Variants in SOX5 observed in about 807,000 individuals in gnomAD.
SOX5 encodes the protein SRY-box transcription factor 5.
SOX5 carries 9 observed loss-of-function variants against 92.0 expected under a neutral mutation model. That is an observed-to-expected ratio of 0.10 (90% confidence interval 0.06 to 0.17). The LOEUF is 0.17. Among genes scored for constraint, SOX5 ranks in the 10% least tolerant of loss-of-function variants. The probability of loss-of-function intolerance (pLI) is 1.00; values close to 1 mark genes in which losing one functional copy is unlikely to be tolerated. For synonymous variants in SOX5, 344 were observed against 336.3 expected (o/e 1.02, Z -0.25); for missense variants, 642 against 944.5 (o/e 0.68, Z 4.20).
chr12:24,244,824 T>C (rs1196045831), intron 3 of SOX5, among the ~76,000 whole-genome samples: 1 of 152,138 alleles, frequency 6.6e-6, no homozygotes, highest in African/African-American at 2.4e-5. Flanking sequence ...TCCCAAGTGG[T>C]GGGATTACAG....
intron 3 of SOX5, among the ~76,000 whole-genome samples, chr12:23,781,099 C>G (rs776509797): frequency 1.3e-5 from 2 of 151,934 alleles, no homozygotes; most frequent in African/African-American, 4.8e-5. Flanking sequence ...TCATCCCAGA[C>G]GGTTAAATGT....
intron 4 of SOX5, among the ~76,000 whole-genome samples, chr12:24,034,570 A>ATTT (rs34793688): frequency 0.017 from 2,452 of 144,116 alleles, 33 homozygotes; most frequent in African/African-American, 0.043. Context: ...GCTCGGGAGG[A>ATTT]TTTTTTTTTT....
chr12:24,258,137 C>T (rs1941526681), intron 3 of SOX5, among the ~76,000 whole-genome samples: 1 of 152,164 alleles, frequency 6.6e-6, no homozygotes, highest in Admixed American at 6.5e-5. Flanking sequence ...CGTGCCACTG[C>T]ACTCCAGCCT....
chr12:24,139,058 C>A (rs1156777349), intron 4 of SOX5, among the ~76,000 whole-genome samples: 2 of 152,174 alleles, frequency 1.3e-5, no homozygotes, highest in African/African-American at 4.8e-5. Flanking sequence ...TGCTCAGCTG[C>A]AACTGTTCCA....
intron 6 of SOX5, among the ~76,000 whole-genome samples, chr12:23,682,233 G>T (rs1397048049): frequency 6.6e-6 from 1 of 151,726 alleles, no homozygotes; most frequent in Non-Finnish European, 1.5e-5. Flanking sequence ...ACAAAAATAT[G>T]ATGATAGTAT....
intron 3 of SOX5, among the ~76,000 whole-genome samples, chr12:24,274,937 C>T (rs1944260515): frequency 6.6e-6 from 1 of 152,120 alleles, no homozygotes; most frequent in African/African-American, 2.4e-5. Flanking sequence ...AGCACGGTAC[C>T]TTGAACTGCC....
chr12:24,357,818 G>A (rs1348343671), intron 2 of SOX5, among the ~76,000 whole-genome samples: 2 of 148,172 alleles, frequency 1.3e-5, no homozygotes, highest in African/African-American at 5.0e-5. Context: ...TCCAGCCTGG[G>A]TGACAGAGCG....
intron 6 of SOX5, among the ~76,000 whole-genome samples, chr12:23,680,742 A>C (rs2086489142): frequency 6.6e-6 from 1 of 152,134 alleles, no homozygotes; most frequent in Non-Finnish European, 1.5e-5. Flanking sequence ...GCAAAGATAA[A>C]CCTTAAAAGC....
intron 1 of SOX5, among the ~76,000 whole-genome samples, chr12:24,401,163 C>T (rs10771083): frequency 0.17 from 25,946 of 151,866 alleles, 2,264 homozygotes; most frequent in East Asian, 0.2. Flanking sequence ...ACCAACCTGG[C>T]CAACAAGGTG....
chr12:24,024,655 T>C (rs1415953008), intron 4 of SOX5, among the ~76,000 whole-genome samples: 1 of 152,042 alleles, frequency 6.6e-6, no homozygotes, highest in Non-Finnish European at 1.5e-5. Flanking sequence ...TTTCAAACAC[T>C]AATTCCAAAT....
chr12:23,652,515 C>CTTTTTTTTTT (rs1373019469), intron 7 of SOX5, among the ~76,000 whole-genome samples: 2 of 102,650 alleles, frequency 1.9e-5, no homozygotes, highest in African/African-American at 9.8e-5. Context: ...ACCTCTTCTA[C>CTTTTTTTTTT]TGTTTTTTTT....
At chr12:23,962,683 G>C (rs2140034058) in intron 4 of SOX5, among the ~76,000 whole-genome samples, 1 of 152,168 alleles carries the variant, frequency 6.6e-6, no homozygotes, top group South Asian at 2.1e-4. Context: ...TTTGCAATTA[G>C]GCAGGCACTG....
intron 1 of SOX5, among the ~76,000 whole-genome samples, chr12:24,375,341 C>T (rs1335118260): frequency 1.3e-5 from 2 of 152,000 alleles, no homozygotes; most frequent in East Asian, 1.9e-4. Context: ...TGGGCCTGAA[C>T]GGGGAAATGG....
intron 4 of SOX5, among the ~76,000 whole-genome samples, chr12:23,965,132 C>G (rs1373865747): frequency 6.6e-6 from 1 of 152,216 alleles, no homozygotes; most frequent in Non-Finnish European, 1.5e-5. Context: ...CCTAGCAGGA[C>G]ACCATCTACC....
chr12:23,960,468 A>T (rs1426975338), intron 4 of SOX5, among the ~76,000 whole-genome samples: 2 of 136,310 alleles, frequency 1.5e-5, no homozygotes, highest in African/African-American at 2.8e-5. Context: ...TCCATGTTTT[A>T]TATATATATG....
In SOX5 at chr12:24,012,887, G is replaced by C. The variant is rs550448142; in HGVS notation, c.-1-116863C>G. Among the ~76,000 whole-genome samples, 5 of 152,254 alleles carry C rather than the reference G, an allele frequency of 3.3e-5. No individual in the cohort carries two copies. The East Asian group carries it at 9.6e-4, about 29-fold the overall frequency. ...AAACACTTCCTAAATCTATTCAGTA[G>C]AAGCACCCTAAATCTATTCAGTAGA... On this transcript the variant is annotated intron_variant, in intron 4 of 4. Transcript: ENST00000446891.
chr12:24,169,616 T>C (rs959479710), intron 4 of SOX5, among the ~76,000 whole-genome samples: 1 of 152,238 alleles, frequency 6.6e-6, no homozygotes, highest in African/African-American at 2.4e-5. Context: ...GTATTTTACA[T>C]GTGTTGTCCA....
At chr12:23,913,210 A>T (rs1004750165) in intron 1 of SOX5, among the ~76,000 whole-genome samples, 1 of 152,192 alleles carries the variant, frequency 6.6e-6, no homozygotes, top group African/African-American at 2.4e-5. Context: ...TTATGAAAGA[A>T]CTTAAATATA....
intron 3 of SOX5, among the ~76,000 whole-genome samples, chr12:24,239,880 C>T (rs1213267953): frequency 6.6e-6 from 1 of 152,110 alleles, no homozygotes; most frequent in Non-Finnish European, 1.5e-5. Context: ...CTCTTTGAAG[C>T]CGATGTCCCA....
Sources: gnomAD v4.1 joint callset for allele counts (sites outside exome capture counted in the v4.1 genomes callset) on GRCh38, gnomAD v4.1.1 for gene constraint, MANE v1.5 for transcripts, NCBI Gene and HGNC (gene_info 2026-07-23, HGNC 2026-07-21) for gene names.